THRAP3: variants seen among roughly 807,000 people sequenced by gnomAD.
The protein encoded by THRAP3 is thyroid hormone receptor associated protein 3.
In THRAP3, 16 loss-of-function variants were observed where a neutral mutation model predicts 101.0. That is an observed-to-expected ratio of 0.16 (90% CI 0.11 to 0.24). THRAP3 has a LOEUF of 0.24. Among genes scored for constraint, THRAP3 ranks in the 10% least tolerant of loss-of-function variants. THRAP3 has a pLI of 1.00. For synonymous variants in THRAP3, 407 were observed against 422.6 expected (o/e 0.96, Z 0.45); for missense variants, 989 against 1,202.7 (o/e 0.82, Z 2.63).
chr1:36,245,846 C>T (rs940078455), intron 1 of THRAP3, among the ~76,000 whole-genome samples: 2 of 152,130 alleles, frequency 1.3e-5, no homozygotes, highest in East Asian at 1.9e-4. Context: ...ACTTCCTCCC[C>T]ACACCCACCA....
chr1:36,273,620 T>C (rs184918567), intron 2 of THRAP3, among the ~76,000 whole-genome samples: 9 of 152,330 alleles, frequency 5.9e-5, no homozygotes, highest in Non-Finnish European at 1.0e-4. Flanking sequence ...GGCATCTAAA[T>C]TGGTGAAGAA....
At chr1:36,300,858 G>T (rs754727636) in intron 9 of THRAP3, 28 bp from the exon 10 acceptor site, 1 of 1,610,356 alleles carries the variant, frequency 6.2e-7, no homozygotes, top group Non-Finnish European at 8.5e-7. Context: ...AAAGATGATT[G>T]ATCACCCTGG....
the THRAP3 span, among the ~76,000 whole-genome samples, chr1:36,208,413 T>C: frequency 9.2e-5 from 14 of 151,982 alleles, no homozygotes; most frequent in Non-Finnish European, 1.5e-5. Flanking sequence ...TCAAAATCTG[T>C]GTGCTTTTCC....
intron 4 of THRAP3, chr1:36,287,689 A>C: frequency 1.0e-6 from 1 of 985,444 alleles, no homozygotes; most frequent in Non-Finnish European, 1.2e-6. Flanking sequence ...ATCATGGTGA[A>C]GAGCTGCACC....
intron 8 of THRAP3, among the ~76,000 whole-genome samples, chr1:36,295,563 T>TCCCTCCTC (rs1363728356): frequency 8.1e-4 from 120 of 148,366 alleles, no homozygotes; most frequent in Middle Eastern, 6.8e-3. Flanking sequence ...CTTCCTTCCT[T>TCCCTCCTC]CCTTCCTTCC....
At chr1:36,263,094 G>A (rs148712221) in intron 2 of THRAP3, among the ~76,000 whole-genome samples, 3,363 of 148,998 alleles carry the variant, frequency 0.023, 49 homozygotes, top group Non-Finnish European at 0.037. Flanking sequence ...ACAGGCGTGA[G>A]CCACTGCACC....
At chr1:36,225,825 A>T (rs1644956203) in intron 1 of THRAP3, among the ~76,000 whole-genome samples, 1 of 152,238 alleles carries the variant, frequency 6.6e-6, no homozygotes, top group South Asian at 2.1e-4. Context: ...GCCAATGTTC[A>T]TACGTTAATG....
the THRAP3 span, among the ~76,000 whole-genome samples, chr1:36,212,418 C>CTTTTTTTTTTTTTTTTTTTTTTT: frequency 8.2e-6 from 1 of 122,048 alleles, no homozygotes; most frequent in East Asian, 2.2e-4. Context: ...TTCTTTCTTT[C>CTTTTTTTTTTTTTTTTTTTTTTT]TTTTTTTTTT....
At chr1:36,235,157 G>T (rs1645071072) in intron 1 of THRAP3, among the ~76,000 whole-genome samples, 1 of 151,564 alleles carries the variant, frequency 6.6e-6, no homozygotes, top group Admixed American at 6.6e-5. Flanking sequence ...CTAGCTGCAG[G>T]GGGGGTTATT....
chr1:36,280,086 A>C (rs1025759704), intron 2 of THRAP3, among the ~76,000 whole-genome samples: 1 of 152,138 alleles, frequency 6.6e-6, no homozygotes, highest in African/African-American at 2.4e-5. Context: ...GAAGTTTGAG[A>C]CCAGCCTGGG....
intron 8 of THRAP3, among the ~76,000 whole-genome samples, chr1:36,295,237 GAAAA>G (rs1314084478): frequency 2.6e-5 from 3 of 117,172 alleles, no homozygotes; most frequent in East Asian, 2.5e-4. Flanking sequence ...AAAAAAAAAG[GAAAA>G]AAAAAAAAAA....
intron 9 of THRAP3, among the ~76,000 whole-genome samples, chr1:36,300,225 T>C (rs1299037962): frequency 6.6e-6 from 1 of 152,224 alleles, no homozygotes; most frequent in East Asian, 1.9e-4. Context: ...GATCCTAGGC[T>C]TAGTCACACA....
intron 3 of THRAP3, 102 bp downstream of exon 3, chr1:36,282,802 T>G (rs1645751447): frequency 7.2e-7 from 1 of 1,381,060 alleles, no homozygotes; most frequent in Admixed American, 1.8e-5. Flanking sequence ...TCAAATGGAC[T>G]GGGGGGTTGG....
At chr1:36,303,555 T>C (rs1361361007) in intron 11 of THRAP3, among the ~76,000 whole-genome samples, 1 of 152,182 alleles carries the variant, frequency 6.6e-6, no homozygotes, top group African/African-American at 2.4e-5. Context: ...TCATTGTCAA[T>C]CATCGTTACA....
chr1:36,224,105 G>A (rs553205419), upstream of THRAP3, among the ~76,000 whole-genome samples: 423 of 152,368 alleles, frequency 2.8e-3, 3 homozygotes, highest in African/African-American at 9.7e-3. Context: ...GGCCCGGAGT[G>A]GGTGGGGCTC....
the THRAP3 span, among the ~76,000 whole-genome samples, chr1:36,216,340 T>G: frequency 6.6e-6 from 1 of 150,648 alleles, no homozygotes; most frequent in Non-Finnish European, 1.5e-5. Flanking sequence ...GCCAACATGG[T>G]GAAACCCCGT....
chr1:36,303,041 A>T (rs980192212), intron 11 of THRAP3, among the ~76,000 whole-genome samples: 5 of 150,870 alleles, frequency 3.3e-5, no homozygotes, highest in African/African-American at 1.2e-4. Flanking sequence ...TGCCTCCTGG[A>T]TTCAAGCAGT....
intron 2 of THRAP3, among the ~76,000 whole-genome samples, chr1:36,273,093 A>G (rs1645611861): frequency 6.6e-6 from 1 of 152,236 alleles, no homozygotes; most frequent in Non-Finnish European, 1.5e-5. Flanking sequence ...GATGAAATGG[A>G]GAACAAATCA....
Position 36,252,927 on chromosome 1 carries a change from C to CATATAT in THRAP3, c.-134-6417_-134-6412dup, listed in dbSNP as rs71053916. Among the ~76,000 whole-genome samples the CATATAT allele has an allele frequency of 9.2e-3, 701 of 76,392 alleles. 8 individuals are homozygous for CATATAT. Among genetic ancestry groups the CATATAT allele is most frequent in the East Asian group, 0.019 (32 of 1,666 alleles). The allele number at this position is 76,392 out of a possible 152,430, so 50.1% of individuals were successfully genotyped here. ...GTCTCAAAAAATATATATAGATAGG[C>CATATAT]ATATATATATATATATATATATATA... On this transcript the variant is annotated intron_variant, in intron 1 of 11. Coordinates refer to ENST00000354618, the MANE Select transcript of THRAP3 (RefSeq NM_005119.4).
Sources: gnomAD v4.1 joint callset for allele counts (sites outside exome capture counted in the v4.1 genomes callset) on GRCh38, gnomAD v4.1.1 for gene constraint, MANE v1.5 for transcripts, NCBI Gene and HGNC (gene_info 2026-07-23, HGNC 2026-07-21) for gene names.